Variants in DNAAF11 observed in about 807,000 individuals in gnomAD.
DNAAF11 encodes dynein axonemal assembly factor 11.
DNAAF11 carries 45 observed loss-of-function variants against 60.8 expected under a neutral mutation model. The observed-to-expected ratio is 0.74, with a 90% CI of 0.58 to 0.95. DNAAF11 has a LOEUF of 0.95. Ranked by LOEUF, DNAAF11 falls within the 40% of genes least tolerant of loss-of-function variation. The pLI, the probability that DNAAF11 is intolerant of heterozygous loss-of-function variation, is 0.00. For synonymous variants in DNAAF11, 191 were observed against 183.5 expected (o/e 1.04, Z -0.33); for missense variants, 546 against 546.2 (o/e 1.00, Z 0.00).
chr8:132,578,991 C>G (rs1391733163), intron 11 of DNAAF11, among the ~76,000 whole-genome samples: 2 of 152,214 alleles, frequency 1.3e-5, no homozygotes, highest in African/African-American at 4.8e-5. Context: ...ATGCCCACTG[C>G]TCACCTCCAC....
At chr8:132,696,617 G>A in the DNAAF11 span, among the ~76,000 whole-genome samples, 1 of 152,152 alleles carries the variant, frequency 6.6e-6, no homozygotes, top group African/African-American at 2.4e-5. Context: ...TGCAGCATGG[G>A]TATGCCTTGA....
In DNAAF11 at chr8:132,572,376, T is replaced by A. The variant is rs778964717; in HGVS notation, c.1331A>T (p.Glu444Val). The A allele has an allele frequency of 2.7e-5, 43 of 1,613,988 alleles. No individual in the cohort carries two copies. The highest frequency in any genetic ancestry group is 3.5e-5 in the Non-Finnish European group (41 of 1,179,990). The change falls in exon 12 of 12, where the codon GAA becomes GTA. Residue 444 changes from glutamate (E) to valine (V), a missense_variant. Coordinates refer to ENST00000620350, the MANE Select transcript of DNAAF11 (RefSeq NM_012472.6). ...TTCCTCACTTGGTATAATTTTGGGT[T>A]CAGGTCGTCTTCTGGGTGTGTGTTT... is the stretch of plus-strand genomic sequence containing the variant. Reference protein sequence around the residue: ...EKKHTPRRRPEPKIIPSEEDP... With the variant: ...EKKHTPRRRPVPKIIPSEEDP...
chr8:132,662,185 C>T (rs569911452), intron 1 of DNAAF11, among the ~76,000 whole-genome samples: 2 of 152,160 alleles, frequency 1.3e-5, no homozygotes, highest in South Asian at 2.1e-4. Context: ...AAGCAGCCAC[C>T]ACTTGTTTTG....
chr8:132,595,347 G>GAAAAAAAAAAAAAAAAA lies in DNAAF11; in HGVS notation c.1141-11569_1141-11568insTTTTTTTTTTTTTTTTT, dbSNP rs1563992420. On this transcript the variant is annotated intron_variant, in intron 10 of 11. Coordinates refer to ENST00000620350, the MANE Select transcript of DNAAF11 (RefSeq NM_012472.6). ...TTCCCGAAAGAGAGAGAGACAGAGG[G>GAAAAAAAAAAAAAAAAA]GAAAAAAAAAAAAAAAAAAAAAAAA... Among the ~76,000 whole-genome samples the GAAAAAAAAAAAAAAAAA allele has an allele frequency of 1.7e-4, 7 of 40,676 alleles. 2 individuals carry two copies. The highest frequency in any genetic ancestry group is 1.6e-4 in the African/African-American group (2 of 12,574). The allele number at this position is 40,676 out of a possible 152,430, so 26.7% of individuals were successfully genotyped here.
chr8:132,616,083 T>A (rs900969322), intron 7 of DNAAF11, among the ~76,000 whole-genome samples: 1 of 152,094 alleles, frequency 6.6e-6, no homozygotes, highest in Non-Finnish European at 1.5e-5. Context: ...GCTTATTACT[T>A]GTAAAGTAAT....
intron 10 of DNAAF11, among the ~76,000 whole-genome samples, chr8:132,607,438 G>T (rs1818240937): frequency 6.6e-6 from 1 of 152,148 alleles, no homozygotes; most frequent in Non-Finnish European, 1.5e-5. Flanking sequence ...TGGAACAAGG[G>T]GCTGAGCTGG....
chr8:132,595,907 G>A (rs1023779837), intron 10 of DNAAF11, among the ~76,000 whole-genome samples: 2 of 152,174 alleles, frequency 1.3e-5, no homozygotes, highest in Middle Eastern at 3.2e-3. Flanking sequence ...TTGATGGGAG[G>A]TGATGGTGGG....
At chr8:132,617,573 A>G (rs1341863780) in intron 7 of DNAAF11, among the ~76,000 whole-genome samples, 2 of 152,190 alleles carry the variant, frequency 1.3e-5, no homozygotes, top group Non-Finnish European at 2.9e-5. Flanking sequence ...TAGATATACA[A>G]TCATGTTGTC....
intron 1 of DNAAF11, among the ~76,000 whole-genome samples, chr8:132,663,255 C>T (rs1314706173): frequency 6.6e-6 from 1 of 152,102 alleles, no homozygotes; most frequent in African/African-American, 2.4e-5. Context: ...TGTGAACCAG[C>T]TTAAATAGGG....
chr8:132,617,407 C>A (rs1023883120), intron 7 of DNAAF11, among the ~76,000 whole-genome samples: 42 of 152,154 alleles, frequency 2.8e-4, no homozygotes, highest in African/African-American at 9.4e-4. Flanking sequence ...GGTACTGAAG[C>A]AATTGTGAAT....
intron 1 of DNAAF11, among the ~76,000 whole-genome samples, chr8:132,666,785 C>T (rs1049727602): frequency 3.3e-5 from 5 of 152,104 alleles, no homozygotes. Flanking sequence ...ATGGAGGTTG[C>T]CTGGTAGAAG....
At position 132,628,361 on chromosome 8, in the gene DNAAF11, G is replaced by A. The variant is rs1020947070; in HGVS notation, c.654-2907C>T. Among the ~76,000 whole-genome samples the A allele has an allele frequency of 7.2e-5, 11 of 152,074 alleles. 1 individual carries two copies. The highest frequency in any genetic ancestry group is 5.9e-4 in the Admixed American group (9 of 15,294). On this transcript the variant is annotated intron_variant, in intron 5 of 11. Transcript: ENST00000620350. ...CAGGAGGCAGAGATTGCGGTGAGCCGAGATTGCGCCATTGCACTCCAGCCT... is the reference window on the plus strand; with the variant it reads ...CAGGAGGCAGAGATTGCGGTGAGCCAAGATTGCGCCATTGCACTCCAGCCT...
the DNAAF11 span, among the ~76,000 whole-genome samples, chr8:132,682,970 T>G: frequency 5.3e-5 from 8 of 152,142 alleles, no homozygotes; most frequent in African/African-American, 1.9e-4. Context: ...AAGGCACTCA[T>G]CTATTTATGA....
At chr8:132,596,017 A>G (rs1279480837) in intron 10 of DNAAF11, among the ~76,000 whole-genome samples, 2 of 152,176 alleles carry the variant, frequency 1.3e-5, no homozygotes, top group Non-Finnish European at 2.9e-5. Context: ...ACAACTGTGT[A>G]TCAGTTGATG....
At chr8:132,661,986 C>T (rs950384521) in intron 1 of DNAAF11, among the ~76,000 whole-genome samples, 6 of 152,154 alleles carry the variant, frequency 3.9e-5, no homozygotes, top group South Asian at 2.1e-4. Flanking sequence ...GATCCACTAA[C>T]TAATCTGAGA....
intron 2 of DNAAF11, among the ~76,000 whole-genome samples, chr8:132,658,980 C>A (rs1461836226): frequency 6.6e-6 from 1 of 152,174 alleles, no homozygotes; most frequent in Non-Finnish European, 1.5e-5. Context: ...ATCAACTAAG[C>A]AGGCCCACAA....
chr8:132,638,106 T>A lies in DNAAF11; in HGVS notation c.258A>T (p.Gly86=), dbSNP rs1821487609. Residue 86 remains glycine (G), a splice_region_variant and synonymous_variant, in exon 4 of 12, where the codon GGA becomes GGT. Transcript: ENST00000620350. ...NNIEKIENLE[G]CEELAKLDLT... is the part of the protein sequence containing the mutation. ...GGTCAAGTTTTGCCAGCTCTTCACA[T>A]CCTGTTGAGAAAAATAAAGTGAAAA... 6.2e-7 allele frequency: 1 copy of A among 1,611,420 alleles called. No individual in the cohort carries two copies. Among genetic ancestry groups the A allele is most frequent in the African/African-American group, 1.3e-5 (1 of 74,752 alleles).
At chr8:132,593,423 T>C (rs539662379) in intron 10 of DNAAF11, among the ~76,000 whole-genome samples, 90 of 147,144 alleles carry the variant, frequency 6.1e-4, no homozygotes, top group Admixed American at 1.7e-3. Context: ...GAGAGACAAA[T>C]CTTAGAACAC....
chr8:132,573,537 G>A (rs1201382193), intron 11 of DNAAF11, among the ~76,000 whole-genome samples: 1 of 152,122 alleles, frequency 6.6e-6, no homozygotes, highest in East Asian at 1.9e-4. Context: ...CTAGGCATAT[G>A]GCTGTATTGA....
Sources: gnomAD v4.1 joint callset for allele counts (sites outside exome capture counted in the v4.1 genomes callset) on GRCh38, gnomAD v4.1.1 for gene constraint, MANE v1.5 for transcripts, NCBI Gene and HGNC (gene_info 2026-07-23, HGNC 2026-07-21) for gene names.